MED13L: variants seen among roughly 807,000 people sequenced by gnomAD.
MED13L encodes the protein mediator of RNA polymerase II transcription subunit 13-like.
Under a neutral mutation model 220.9 loss-of-function variants are expected in MED13L, and 7 were observed. The ratio of observed to expected loss-of-function variants is 0.03; its 90% CI spans 0.02 to 0.06. The LOEUF (loss-of-function observed/expected upper bound fraction) is 0.06. Ranked by LOEUF, MED13L falls within the 10% of genes least tolerant of loss-of-function variation. The pLI is 1.00. For missense variants in MED13L, 1,965 were observed against 2,760.5 expected (o/e 0.71, Z 6.46); for synonymous variants, 1,011 against 1,015.2 (o/e 1.00, Z 0.08).
chr12:116,038,654 A>C (rs1191595983), intron 4 of MED13L, among the ~76,000 whole-genome samples: 2 of 150,914 alleles, frequency 1.3e-5, no homozygotes, highest in Non-Finnish European at 3.0e-5. Context: ...TGACCCGCCA[A>C]AAGAGTGTAA....
Position 115,986,504 on chromosome 12 carries a change from T to C in MED13L, c.4115-15A>G. ...TTCTTCCGAACCTAAAATGACATTGTAGTGTAGAAAGGTGCTAGAGAGTTT... is the reference window on the plus strand; with the variant it reads ...TTCTTCCGAACCTAAAATGACATTGCAGTGTAGAAAGGTGCTAGAGAGTTT... On this transcript the variant is annotated splice_polypyrimidine_tract_variant and intron_variant, in intron 18 of 30. Transcript: ENST00000281928. 1 of 1,611,038 alleles carries C rather than the reference T, an allele frequency of 6.2e-7. No homozygotes were observed. The highest frequency in any genetic ancestry group is 8.5e-7 in the Non-Finnish European group (1 of 1,177,900).
intron 4 of MED13L, among the ~76,000 whole-genome samples, chr12:116,061,769 A>T (rs529187633): frequency 6.6e-6 from 1 of 152,248 alleles, no homozygotes; most frequent in South Asian, 2.1e-4. Context: ...GCACTTTGGG[A>T]GGCCGAGGCA....
At chr12:116,074,558 G>A (rs1354910813) in intron 4 of MED13L, among the ~76,000 whole-genome samples, 1 of 152,158 alleles carries the variant, frequency 6.6e-6, no homozygotes, top group Admixed American at 6.5e-5. Flanking sequence ...TTGGCTAAAT[G>A]TTACAAAGAA....
In MED13L at chr12:115,961,075, A is replaced by G; in HGVS notation, c.*191T>C. On this transcript the variant is annotated 3_prime_UTR_variant, in exon 31 of 31. Coordinates refer to ENST00000281928, the MANE Select transcript of MED13L (RefSeq NM_015335.5). ...TGGAAGTTTCCAGGTCCATGAGAGAAGTGTCAAGGAGTCACTCTGGTAATG... is the reference window on the plus strand; with the variant it reads ...TGGAAGTTTCCAGGTCCATGAGAGAGGTGTCAAGGAGTCACTCTGGTAATG... The G allele has an allele frequency of 1.3e-6, 1 of 748,706 alleles. No homozygotes were observed. The highest frequency in any genetic ancestry group is 2.9e-5 in the East Asian group (1 of 35,044). The allele number at this position is 748,706 out of a possible 1,614,324, so 46.4% of individuals were successfully genotyped here.
intron 2 of MED13L, among the ~76,000 whole-genome samples, chr12:116,224,558 G>A (rs1459952687): frequency 6.6e-6 from 1 of 152,154 alleles, no homozygotes; most frequent in Non-Finnish European, 1.5e-5. Flanking sequence ...ATTCATTTCT[G>A]TATTCTACAT....
At chr12:116,087,682 C>T (rs1261649299) in intron 4 of MED13L, among the ~76,000 whole-genome samples, 1 of 152,166 alleles carries the variant, frequency 6.6e-6, no homozygotes, top group East Asian at 1.9e-4. Context: ...GTTTGGTCAC[C>T]TCCCAGACCT....
At chr12:116,022,646 A>G (rs769190321) in intron 4 of MED13L, 45 bp from the exon 5 acceptor site, 1 of 1,583,316 alleles carries the variant, frequency 6.3e-7, no homozygotes, top group Non-Finnish European at 8.6e-7. Context: ...TTTTGGTAGG[A>G]AAGGGTGCTA....
rs547728717 is a variant in MED13L, at chr12:116,031,168, T to A, written c.480-8567A>T. On this transcript the variant is annotated intron_variant, in intron 4 of 30. Coordinates refer to ENST00000281928, the MANE Select transcript of MED13L (RefSeq NM_015335.5). ...CAATTGTCTTGCTTCATGTCAAAAC[T>A]TTAGAAGAATCCCTTTTAAAAAATG... 9.2e-5 allele frequency among the ~76,000 whole-genome samples: 14 copies of A among 152,214 alleles called. No individual in the cohort carries two copies. In the South Asian group the frequency reaches 2.7e-3, roughly 29 times the overall value.
chr12:116,249,264 A>G (rs1163033445), intron 1 of MED13L, among the ~76,000 whole-genome samples: 1 of 152,216 alleles, frequency 6.6e-6, no homozygotes, highest in East Asian at 1.9e-4. Flanking sequence ...TAAGGAGGAA[A>G]CCAGTGCTAG....
In MED13L at chr12:116,022,754, T is replaced by C. The variant is rs930987056; in HGVS notation, c.480-153A>G. ...CAAAAGAGAAACTTCTAATTCAGTA[T>C]TGACAAACTAAGCCATCAGATAAAT... is the stretch of plus-strand genomic sequence containing the variant. On this transcript the variant is annotated intron_variant, in intron 4 of 30. Transcript: ENST00000281928. Among the ~76,000 whole-genome samples, 62 of 152,206 alleles carry C rather than the reference T, an allele frequency of 4.1e-4. No homozygotes were observed. Among genetic ancestry groups the C allele is most frequent in the African/African-American group, 1.5e-3 (61 of 41,454 alleles).
intron 7 of MED13L, among the ~76,000 whole-genome samples, chr12:116,015,886 T>C (rs896007498): frequency 2.0e-5 from 3 of 152,226 alleles, no homozygotes; most frequent in Non-Finnish European, 4.4e-5. Context: ...TGAAAGAGGT[T>C]GTCTTGACAT....
At chr12:116,076,343 C>T (rs983397244) in intron 4 of MED13L, among the ~76,000 whole-genome samples, 1 of 152,008 alleles carries the variant, frequency 6.6e-6, no homozygotes, top group Non-Finnish European at 1.5e-5. Context: ...TCAACACTGG[C>T]CTGGACAACA....
intron 13 of MED13L, 59 bp from the exon 14 acceptor site, chr12:116,003,161 A>G: frequency 6.8e-7 from 1 of 1,467,480 alleles, no homozygotes; most frequent in Non-Finnish European, 9.5e-7. Flanking sequence ...GGCAGCATTC[A>G]AATATTTCCT....
intron 2 of MED13L, among the ~76,000 whole-genome samples, chr12:116,216,813 G>A (rs1419003653): frequency 6.6e-6 from 1 of 152,160 alleles, no homozygotes; most frequent in African/African-American, 2.4e-5. Context: ...CTGTAGCAAA[G>A]ACTAATACAT....
In MED13L at chr12:116,151,200, A is replaced by T. The variant is rs1017597050; in HGVS notation, c.311-39688T>A. Among the ~76,000 whole-genome samples, 7 of 152,154 alleles carry T rather than the reference A, an allele frequency of 4.6e-5. 1 individual carries two copies. The highest frequency in any genetic ancestry group is 1.4e-4 in the African/African-American group (6 of 41,440). ...AATCTCTTGGGGGTGGGGAGGGGAG[A>T]TATTTAGTTATGAATTTCTGTTATT... On this transcript the variant is annotated intron_variant, in intron 2 of 30. Transcript: ENST00000281928.
intron 2 of MED13L, among the ~76,000 whole-genome samples, chr12:116,200,710 A>C (rs1881957586): frequency 6.6e-6 from 1 of 152,238 alleles, no homozygotes; most frequent in Non-Finnish European, 1.5e-5. Flanking sequence ...CAAAGACTTC[A>C]AAGACTCACT....
intron 11 of MED13L, 107 bp downstream of exon 11, chr12:116,007,304 A>T: frequency 1.0e-6 from 1 of 989,060 alleles, no homozygotes; most frequent in Non-Finnish European, 1.6e-6. Context: ...CAGAGCAATC[A>T]GGCAAGACTA....
chr12:116,076,433 A>C (rs1331821168), intron 4 of MED13L, among the ~76,000 whole-genome samples: 2 of 152,138 alleles, frequency 1.3e-5, no homozygotes, highest in Non-Finnish European at 2.9e-5. Flanking sequence ...GTTACTTAGG[A>C]GGCTGAGGGA....
chr12:116,263,560 T>A (rs975669034), intron 1 of MED13L, among the ~76,000 whole-genome samples: 3 of 152,182 alleles, frequency 2.0e-5, no homozygotes, highest in Non-Finnish European at 4.4e-5. Flanking sequence ...TGAGACAACA[T>A]GTGTGGGCTA....
Sources: gnomAD v4.1 joint callset for allele counts (sites outside exome capture counted in the v4.1 genomes callset) on GRCh38, gnomAD v4.1.1 for gene constraint, MANE v1.5 for transcripts, NCBI Gene and HGNC (gene_info 2026-07-23, HGNC 2026-07-21) for gene names.